Variants in PAPPA observed in about 807,000 individuals in gnomAD.
The protein encoded by PAPPA is pappalysin 1.
A neutral mutation model predicts 164.0 loss-of-function variants in PAPPA; 60 were observed. The observed-to-expected ratio is 0.37, with a 90% CI of 0.30 to 0.45. PAPPA has a LOEUF of 0.45. Ranked by LOEUF, PAPPA falls within the 20% of genes least tolerant of loss-of-function variation. The pLI, the probability that PAPPA is intolerant of heterozygous loss-of-function variation, is 1.00. For missense variants in PAPPA, 1,782 were observed against 2,087.3 expected, an observed-to-expected ratio of 0.85 and a Z score of 2.85; for synonymous variants, 875 against 814.1, an observed-to-expected ratio of 1.07 and a Z score of -1.27.
At chr9:116,209,721 C>T (rs1466947161) in intron 3 of PAPPA, among the ~76,000 whole-genome samples, 1 of 152,192 alleles carries the variant, frequency 6.6e-6, no homozygotes, top group Non-Finnish European at 1.5e-5. Context: ...ATTAAGTCTG[C>T]AATCCAATCA....
At chr9:116,382,682 G>T (rs1846748444) in intron 21 of PAPPA, among the ~76,000 whole-genome samples, 189 bp downstream of exon 21, 1 of 152,138 alleles carries the variant, frequency 6.6e-6, no homozygotes, top group Admixed American at 6.5e-5. Context: ...CTGGGCCCTG[G>T]TTGATTTTTG....
At chr9:116,172,246 TCTAAC>T (rs1843782896) in intron 1 of PAPPA, among the ~76,000 whole-genome samples, 1 of 152,152 alleles carries the variant, frequency 6.6e-6, no homozygotes, top group African/African-American at 2.4e-5. Flanking sequence ...GAGTGCATAT[TCTAAC>T]CCCTCCACCA....
At chr9:116,190,666 G>T (rs1486622032) in intron 2 of PAPPA, among the ~76,000 whole-genome samples, 2 of 152,240 alleles carry the variant, frequency 1.3e-5, no homozygotes, top group African/African-American at 2.4e-5. Context: ...GCTGGCCTTT[G>T]CAGAGCACCA....
At chr9:116,291,011 T>C (rs1327998523) in intron 9 of PAPPA, among the ~76,000 whole-genome samples, 1 of 152,168 alleles carries the variant, frequency 6.6e-6, no homozygotes, top group Non-Finnish European at 1.5e-5. Flanking sequence ...GCCTCTTTCA[T>C]ATCTTGAGAT....
chr9:116,280,995 A>G (rs751050519), intron 9 of PAPPA, among the ~76,000 whole-genome samples: 1 of 152,240 alleles, frequency 6.6e-6, no homozygotes, highest in South Asian at 2.1e-4. Context: ...CCAATCTCAG[A>G]TACAAAATAT....
rs1845133494 is a variant in PAPPA at position 116,271,356 on chromosome 9, A to T, written c.2893A>T (p.Lys965Ter). ...DQGEQCDDMNKINGDGCSLFC... is the reference protein window; with the variant it reads ...DQGEQCDDMN ...AGGTGAACAATGCGACGACATGAAT[A>T]AGATCAATGGTGATGGCTGCTCCCT... Residue 965 changes from lysine to a stop codon, truncating the protein, a stop_gained, in exon 9 of 22, where the codon AAG (lysine) becomes TAG (stop). Coordinates refer to ENST00000328252, the MANE Select transcript of PAPPA (RefSeq NM_002581.5). LOFTEE classifies it high-confidence loss of function. The surrounding 1 kb of genome is among the most constrained non-coding windows in gnomAD (Gnocchi z 4.2). The T allele has an allele frequency of 6.2e-7, 1 of 1,613,964 alleles. No individual in the cohort carries two copies. Among genetic ancestry groups the T allele is most frequent in the East Asian group, 2.2e-5 (1 of 44,890 alleles).
chr9:116,241,880 T>C (rs1395774009), intron 7 of PAPPA, among the ~76,000 whole-genome samples: 4 of 152,134 alleles, frequency 2.6e-5, no homozygotes, highest in African/African-American at 4.8e-5. Flanking sequence ...CCTTTTTTTT[T>C]CCTAAGCCTC....
chr9:116,352,205 TGGTGGGAGCTGGGGGA>T (rs887964046), intron 15 of PAPPA, among the ~76,000 whole-genome samples: 1 of 151,868 alleles, frequency 6.6e-6, no homozygotes, highest in Non-Finnish European at 1.5e-5. Context: ...CAGGCATTGG[TGGTGGGAGCTGGGGGA>T]GGTGGTAGGC....
chr9:116,283,963 C>T (rs1441765450), intron 9 of PAPPA, among the ~76,000 whole-genome samples: 2 of 152,178 alleles, frequency 1.3e-5, no homozygotes, highest in African/African-American at 2.4e-5. Context: ...ATACCTTTTT[C>T]CACCTGAGAA....
At chr9:116,170,869 C>T (rs907316048) in intron 1 of PAPPA, among the ~76,000 whole-genome samples, 1 of 127,850 alleles carries the variant, frequency 7.8e-6, no homozygotes, top group Non-Finnish European at 1.8e-5. Flanking sequence ...TTTTATGCCG[C>T]TGTGAGTTCT....
At chr9:116,361,165 A>G (rs914217081) in intron 17 of PAPPA, among the ~76,000 whole-genome samples, 1 of 152,212 alleles carries the variant, frequency 6.6e-6, no homozygotes, top group African/African-American at 2.4e-5. Context: ...GAGCCAGCAC[A>G]GGAGTTTGCA....
chr9:116,291,214 C>G (rs1845431616), intron 9 of PAPPA, among the ~76,000 whole-genome samples: 1 of 152,104 alleles, frequency 6.6e-6, no homozygotes, highest in Admixed American at 6.6e-5. Flanking sequence ...TGTCAAATCT[C>G]TTTATTAAAT....
At chr9:116,273,444 C>A (rs1434571263) in intron 9 of PAPPA, among the ~76,000 whole-genome samples, 3 of 152,128 alleles carry the variant, frequency 2.0e-5, no homozygotes, top group Non-Finnish European at 4.4e-5. Context: ...GATTCTATGA[C>A]CCAAAGAAAC....
chr9:116,298,345 C>T (rs1263883045), intron 9 of PAPPA, among the ~76,000 whole-genome samples: 1 of 152,196 alleles, frequency 6.6e-6, no homozygotes, highest in Non-Finnish European at 1.5e-5. Flanking sequence ...AAGTTTCTGG[C>T]ATATGAAATC....
intron 10 of PAPPA, among the ~76,000 whole-genome samples, chr9:116,319,663 G>C (rs1178130716): frequency 1.3e-5 from 2 of 152,172 alleles, no homozygotes; most frequent in African/African-American, 4.8e-5. Context: ...CATGTACACT[G>C]TGTGGGTCTC....
At chr9:116,303,038 C>T in intron 10 of PAPPA, 88 bp downstream of exon 10, 1 of 1,065,918 alleles carries the variant, frequency 9.4e-7, no homozygotes, top group Non-Finnish European at 1.4e-6. Flanking sequence ...AAGGCAGTGT[C>T]ATTGGCTATA....
chr9:116,201,975 A>G (rs1368655765), intron 2 of PAPPA, among the ~76,000 whole-genome samples: 3 of 152,168 alleles, frequency 2.0e-5, no homozygotes, highest in Non-Finnish European at 4.4e-5. Flanking sequence ...CCCAGGAAGC[A>G]TGACTCTGGC....
At chr9:116,207,074 T>C (rs1383349771) in intron 2 of PAPPA, among the ~76,000 whole-genome samples, 1 of 152,132 alleles carries the variant, frequency 6.6e-6, no homozygotes, top group Non-Finnish European at 1.5e-5. Flanking sequence ...CCATCACTAA[T>C]GTGTGCTACT....
At position 116,396,648 on chromosome 9, in the gene PAPPA, A is replaced by G. The variant is rs1846968440; in HGVS notation, c.*32A>G. The G allele has an allele frequency of 2.6e-6, 2 of 777,594 alleles. No individual in the cohort carries two copies. The highest frequency in any genetic ancestry group is 1.7e-5 in the African/African-American group (1 of 59,024). The allele number at this position is 777,594 out of a possible 1,614,324, so 48.2% of individuals were successfully genotyped here. A position where few individuals can be genotyped will look rare whatever the true frequency, so the allele number is the denominator to read the frequency against. On this transcript the variant is annotated 3_prime_UTR_variant, in exon 22 of 22. Coordinates refer to ENST00000328252, the MANE Select transcript of PAPPA (RefSeq NM_002581.5). ...ACAAGAAGTTGTCAAAGAATTCCCA[A>G]CGCCAGGACCCACATCCCTTTGGTA...
Sources: gnomAD v4.1 joint callset for allele counts (sites outside exome capture counted in the v4.1 genomes callset) on GRCh38, gnomAD v4.1.1 for gene constraint, Gnocchi (gnomAD v3.1) non-coding constraint, MANE v1.5 for transcripts, NCBI Gene and HGNC (gene_info 2026-07-23, HGNC 2026-07-21) for gene names.